The following KHDRBS1 variants were observed in gnomAD, a reference collection of about 807,000 sequenced individuals.
The protein encoded by KHDRBS1 is KH domain-containing, RNA-binding, signal transduction-associated protein 1.
In KHDRBS1, 7 loss-of-function variants were observed where a neutral mutation model predicts 48.4. The observed-to-expected ratio is 0.14, with a 90% confidence interval of 0.08 to 0.27. The LOEUF is 0.27. Among genes scored for constraint, KHDRBS1 ranks in the 10% least tolerant of loss-of-function variants. The pLI, the probability that KHDRBS1 is intolerant of heterozygous loss-of-function variation, is 1.00. For missense variants in KHDRBS1, 458 were observed against 601.2 expected, an observed-to-expected ratio of 0.76 and a Z score of 2.49; for synonymous variants, 241 against 235.8, an observed-to-expected ratio of 1.02 and a Z score of -0.20.
chr1:32,031,788 C>A, intron 3 of KHDRBS1, 148 bp downstream of exon 3: 1 of 496,962 alleles, frequency 2.0e-6, no homozygotes, highest in Non-Finnish European at 3.7e-6. Context: ...AGAGATTATA[C>A]ACCAAGTTAA....
intron 10 of KHDRBS1, among the ~76,000 whole-genome samples, chr1:32,050,393 A>G (rs966583259): frequency 1.3e-5 from 2 of 151,970 alleles, no homozygotes; most frequent in African/African-American, 4.8e-5. Flanking sequence ...GTTGAAGTCC[A>G]GTTTATCTGT....
At position 32,031,646 on chromosome 1, in the gene KHDRBS1, C is replaced by G; in HGVS notation, c.624+6C>G. The G allele has an allele frequency of 6.4e-7, 1 of 1,574,112 alleles. No homozygotes were observed. Among genetic ancestry groups the G allele is most frequent in the Non-Finnish European group, 8.7e-7 (1 of 1,150,464 alleles). ...CAATGAGAGACAAAGCCAAGGTAAG[C>G]TCACATTAGTGAGGCAAGAGGACAT... is the stretch of plus-strand genomic sequence containing the variant. On this transcript the variant is annotated splice_donor_region_variant and intron_variant, in intron 3 of 8. Transcript: ENST00000327300.
chr1:32,048,643 A>G (rs1407657761), downstream of KHDRBS1, among the ~76,000 whole-genome samples: 1 of 152,220 alleles, frequency 6.6e-6, no homozygotes. Context: ...TTGGACAGAC[A>G]TAACTGTCCT....
intron 1 of KHDRBS1, among the ~76,000 whole-genome samples, chr1:32,030,026 T>G (rs1264302961): frequency 1.3e-5 from 2 of 152,234 alleles, no homozygotes; most frequent in African/African-American, 2.4e-5. Flanking sequence ...CCAATTAATT[T>G]TGTTAAATTG....
chr1:32,026,037 C>T (rs189133541), intron 1 of KHDRBS1, among the ~76,000 whole-genome samples: 1 of 151,990 alleles, frequency 6.6e-6, no homozygotes, highest in East Asian at 1.9e-4. Context: ...GCTTCAGCCT[C>T]CCAAAGCACT....
Position 32,014,356 on chromosome 1 carries a change from G to A in KHDRBS1, c.361G>A (p.Ala121Thr), listed in dbSNP as rs776756368. Residue 121 changes from alanine to threonine, a missense_variant, in exon 1 of 9, where the codon GCC (alanine) becomes ACC (threonine). Around this residue, in one of 3 missense-constraint regions of KHDRBS1, gnomAD observed 213 missense variants for 215.6 expected, o/e 0.99. Coordinates refer to ENST00000327300, the MANE Select transcript of KHDRBS1 (RefSeq NM_006559.3). ...CTCGCTCGACCCGTCCTTCACTCAC[G>A]CCATGCAGCTGCTGACGGCAGGTAA... ...KDSLDPSFTH[A>T]MQLLTAEIEK... 2.7e-6 allele frequency: 4 copies of A among 1,502,654 alleles called. No homozygotes were observed. Among genetic ancestry groups the A allele is most frequent in the African/African-American group, 1.4e-5 (1 of 70,898 alleles). 93.1% of individuals were successfully genotyped at this position (1,502,654 alleles called of 1,614,324 possible). A position where few individuals can be genotyped will look rare whatever the true frequency, so the allele number is the denominator to read the frequency against.
At chr1:32,057,448 G>C (rs1275368576) in intron 10 of KHDRBS1, among the ~76,000 whole-genome samples, 1 of 151,086 alleles carries the variant, frequency 6.6e-6, no homozygotes, top group African/African-American at 2.4e-5. Flanking sequence ...GGATTTATGG[G>C]TGTTAGCCAC....
chr1:32,013,920 A>G lies in KHDRBS1; in HGVS notation c.-76A>G, dbSNP rs956163539. The G allele has an allele frequency of 1.5e-6, 2 of 1,299,056 alleles. No individual in the cohort carries two copies. Among genetic ancestry groups the G allele is most frequent in the South Asian group, 1.9e-5 (1 of 51,870 alleles). The allele number at this position is 1,299,056 out of a possible 1,614,324, so 80.5% of individuals were successfully genotyped here. A position where few individuals can be genotyped will look rare whatever the true frequency, so the allele number is the denominator to read the frequency against. Reference sequence around the variant, plus strand: ...CGGTCGCTACCGCTCCCGCTCTGCCACCCCCGCCAACCGCCGCTCGGGCCT... The same window carrying G: ...CGGTCGCTACCGCTCCCGCTCTGCCGCCCCCGCCAACCGCCGCTCGGGCCT... On this transcript the variant is annotated 5_prime_UTR_variant, in exon 1 of 9. Coordinates refer to ENST00000327300, the MANE Select transcript of KHDRBS1 (RefSeq NM_006559.3).
intron 1 of KHDRBS1, among the ~76,000 whole-genome samples, chr1:32,019,897 G>A (rs776963079): frequency 3.0e-4 from 45 of 152,048 alleles, no homozygotes; most frequent in Non-Finnish European, 5.0e-4. Flanking sequence ...TCAGCCTCCC[G>A]AGTAGGTGGG....
At chr1:32,038,215 T>C in intron 6 of KHDRBS1, 179 bp downstream of exon 6, 1 of 940,884 alleles carries the variant, frequency 1.1e-6, no homozygotes, top group South Asian at 1.8e-5. Flanking sequence ...TTAGGCAGGG[T>C]TTTACTATAC....
chr1:32,048,973 C>T (rs1639385951), intron 10 of KHDRBS1, among the ~76,000 whole-genome samples: 2 of 151,752 alleles, frequency 1.3e-5, no homozygotes, highest in South Asian at 4.2e-4. Flanking sequence ...TCACAGAAGA[C>T]CACTTTCTGT....
chr1:32,015,050 AGT>A (rs1483557415), intron 1 of KHDRBS1, among the ~76,000 whole-genome samples: 13 of 152,176 alleles, frequency 8.5e-5, no homozygotes, highest in Admixed American at 8.5e-4. Flanking sequence ...TCGTTGAAGG[AGT>A]GAAGTAACCC....
Position 32,013,910 on chromosome 1 carries a change from C to A in KHDRBS1, c.-86C>A, listed in dbSNP as rs1370432275. On this transcript the variant is annotated 5_prime_UTR_variant, in exon 1 of 9. Transcript: ENST00000327300. ...GGGTCGGCTTCGGTCGCTACCGCTC[C>A]CGCTCTGCCACCCCCGCCAACCGCC... 2 of 1,265,342 alleles carry A rather than the reference C, an allele frequency of 1.6e-6. No homozygotes were observed. Among genetic ancestry groups the A allele is most frequent in the Non-Finnish European group, 2.0e-6 (2 of 988,808 alleles). The allele number at this position is 1,265,342 out of a possible 1,614,324, so 78.4% of individuals were successfully genotyped here.
At chr1:32,020,821 G>C (rs1569768539) in intron 1 of KHDRBS1, among the ~76,000 whole-genome samples, 1 of 152,274 alleles carries the variant, frequency 6.6e-6, no homozygotes, top group South Asian at 2.1e-4. Context: ...ACGGTGACTG[G>C]CTATCAAAGG....
At chr1:32,019,761 TTTTG>T (rs1156277372) in intron 1 of KHDRBS1, among the ~76,000 whole-genome samples, 4 of 151,098 alleles carry the variant, frequency 2.6e-5, no homozygotes, top group Admixed American at 6.6e-5. Flanking sequence ...ATATTGCAGG[TTTTG>T]TTTTTTTGTT....
At chr1:32,044,916 T>C (rs545799821), downstream of KHDRBS1, among the ~76,000 whole-genome samples, 4 of 152,364 alleles carry the variant, frequency 2.6e-5, no homozygotes, top group Admixed American at 2.6e-4. Flanking sequence ...TTAATTTTAA[T>C]GTTAAAACTT....
In KHDRBS1 at chr1:32,042,917, TAAAA is replaced by T. The variant is rs575856498; in HGVS notation, c.*298_*301del. Reference sequence around the variant, plus strand: ...ATAAACAGAAGTGTACCTTTTATAATAAAAAAAAGAAGTTGAGTAAAAAAAAAAA... The same window carrying T: ...ATAAACAGAAGTGTACCTTTTATAATAAAAGAAGTTGAGTAAAAAAAAAAA... On this transcript the variant is annotated 3_prime_UTR_variant, in exon 9 of 9. Coordinates refer to ENST00000327300, the MANE Select transcript of KHDRBS1 (RefSeq NM_006559.3). The T allele has an allele frequency of 9.5e-5, 17 of 179,474 alleles. No individual in the cohort carries two copies. The highest frequency in any genetic ancestry group is 1.0e-4 in the Non-Finnish European group (9 of 87,496). The allele number at this position is 179,474 out of a possible 1,614,324, so 11.1% of individuals were successfully genotyped here. A position where few individuals can be genotyped will look rare whatever the true frequency, so the allele number is the denominator to read the frequency against.
At chr1:32,037,143 G>A in intron 5 of KHDRBS1, 100 bp downstream of exon 5, 1 of 1,301,306 alleles carries the variant, frequency 7.7e-7, no homozygotes, top group Non-Finnish European at 1.1e-6. Flanking sequence ...AGGGTCTCAG[G>A]ATTTGTATGT....
At chr1:32,028,114 C>G (rs145927404) in intron 1 of KHDRBS1, among the ~76,000 whole-genome samples, 176 of 152,214 alleles carry the variant, frequency 1.2e-3, no homozygotes, top group African/African-American at 4.0e-3. Flanking sequence ...GAGACTTTGT[C>G]TCAAAAAATA....
Sources: gnomAD v4.1 joint callset for allele counts (sites outside exome capture counted in the v4.1 genomes callset) on GRCh38, gnomAD v4.1.1 for gene constraint, gnomAD v4.1.1 regional missense constraint, MANE v1.5 for transcripts, NCBI Gene and HGNC (gene_info 2026-07-23, HGNC 2026-07-21) for gene names.